Variants in DDX50 observed in about 807,000 individuals in gnomAD.
DDX50 encodes ATP-dependent RNA helicase DDX50.
A neutral mutation model predicts 94.8 loss-of-function variants in DDX50; 56 were observed. The ratio of observed to expected loss-of-function variants is 0.59; its 90% confidence interval spans 0.48 to 0.74. DDX50 has a LOEUF of 0.74. Among genes scored for constraint, DDX50 ranks in the 30% least tolerant of loss-of-function variants. The pLI is 0.00. For synonymous variants in DDX50, 264 were observed against 295.4 expected (o/e 0.89, Z 1.09); for missense variants, 713 against 881.2 (o/e 0.81, Z 2.42).
At chr10:68,936,445 C>T (rs1842409820) in intron 11 of DDX50, among the ~76,000 whole-genome samples, 1 of 128,670 alleles carries the variant, frequency 7.8e-6, no homozygotes, top group South Asian at 2.5e-4. Context: ...ATCGAGAGTG[C>T]ACCACTGCAT....
In DDX50 at chr10:68,934,142, T is replaced by C. The variant is rs2132054693; in HGVS notation, c.1240-57T>C. On this transcript the variant is annotated intron_variant, in intron 8 of 14. Transcript: ENST00000373585. This position sits in a 1 kb window ranked among gnomAD's most constrained non-coding sequence, Gnocchi z 4.0. ...AAGGAGCACAGACTAGATGTTGTTG[T>C]GCTATCAGTTGCAAGTATGAGCTGT... 1 of 1,524,684 alleles carries C rather than the reference T, an allele frequency of 6.6e-7. No individual in the cohort carries two copies. Among genetic ancestry groups the C allele is most frequent in the Non-Finnish European group, 8.9e-7 (1 of 1,125,606 alleles). 94.4% of individuals were successfully genotyped at this position (1,524,684 alleles called of 1,614,324 possible). A position where few individuals can be genotyped will look rare whatever the true frequency, so the allele number is the denominator to read the frequency against.
chr10:68,920,634 TG>T (rs1841915467), intron 8 of DDX50, among the ~76,000 whole-genome samples: 1 of 152,146 alleles, frequency 6.6e-6, no homozygotes, highest in African/African-American at 2.4e-5. Flanking sequence ...TAAATCCATG[TG>T]TTTTTTTCTT....
In DDX50 at chr10:68,906,944, A is replaced by G; in HGVS notation, c.321A>G (p.Lys107=). 6.2e-7 allele frequency: 1 copy of G among 1,600,656 alleles called. No homozygotes were observed. Residue 107 remains lysine, a synonymous_variant, in exon 2 of 15, where the codon AAA becomes AAG. Coordinates refer to ENST00000373585, the MANE Select transcript of DDX50 (RefSeq NM_024045.2). The part of the protein sequence containing the change: ...PNGDIDEYEK[K]SKRVSSLDTS... The stretch of plus-strand genomic sequence containing the variant: ...GAGATATAGATGAATATGAAAAAAA[A>G]TCAAAGCGAGTATCATCTTTAGATA...
At chr10:68,904,002 G>A (rs1245417620) in intron 1 of DDX50, among the ~76,000 whole-genome samples, 1 of 151,434 alleles carries the variant, frequency 6.6e-6, no homozygotes, top group East Asian at 1.9e-4. Context: ...AAATTAGCTG[G>A]GCGTGGTGGC....
chr10:68,943,085 T>A, intron 13 of DDX50, 128 bp from the exon 14 acceptor site: 1 of 769,484 alleles, frequency 1.3e-6, no homozygotes, highest in South Asian at 1.7e-5. Context: ...TATTGGATAC[T>A]GTGTTTAGTT....
At chr10:68,930,734 G>A (rs1490396946) in intron 8 of DDX50, among the ~76,000 whole-genome samples, 2 of 152,126 alleles carry the variant, frequency 1.3e-5, no homozygotes, top group Non-Finnish European at 2.9e-5. Context: ...GCTTATTGGA[G>A]CCTCAACTGC....
intron 14 of DDX50, among the ~76,000 whole-genome samples, chr10:68,945,146 T>G (rs757797191): frequency 1.3e-5 from 2 of 152,188 alleles, no homozygotes; most frequent in Non-Finnish European, 2.9e-5. Flanking sequence ...CTCTTTAAGA[T>G]GAGTTTTTAA....
intron 8 of DDX50, among the ~76,000 whole-genome samples, chr10:68,931,426 T>TATACACACACACACACAC (rs375773633): frequency 3.5e-5 from 3 of 84,842 alleles, no homozygotes; most frequent in Non-Finnish European, 6.8e-5. Context: ...TATATATATA[T>TATACACACACACACACAC]ACACAAACAC....
chr10:68,929,889 T>C (rs1440201550), intron 8 of DDX50, among the ~76,000 whole-genome samples: 1 of 151,710 alleles, frequency 6.6e-6, no homozygotes, highest in Non-Finnish European at 1.5e-5. Context: ...TGCAACACCA[T>C]ACCCGGCTAA....
chr10:68,944,481 A>G (rs917262855), intron 14 of DDX50, among the ~76,000 whole-genome samples: 5 of 152,192 alleles, frequency 3.3e-5, no homozygotes, highest in African/African-American at 1.2e-4. Flanking sequence ...AAAATTCAGA[A>G]TATGTTAAAG....
At position 68,934,133 on chromosome 10, in the gene DDX50, A is replaced by C. The variant is rs940849026; in HGVS notation, c.1240-66A>C. On this transcript the variant is annotated intron_variant, in intron 8 of 14. Transcript: ENST00000373585. The surrounding 1 kb of genome is among the most constrained non-coding windows in gnomAD (Gnocchi z 4.0). The stretch of plus-strand genomic sequence containing the variant: ...AACATGCAAAAGGAGCACAGACTAG[A>C]TGTTGTTGTGCTATCAGTTGCAAGT... The C allele has an allele frequency of 1.4e-6, 2 of 1,463,742 alleles. No homozygotes were observed. Among genetic ancestry groups the C allele is most frequent in the Non-Finnish European group, 1.9e-6 (2 of 1,076,024 alleles). 90.7% of individuals were successfully genotyped at this position (1,463,742 alleles called of 1,614,324 possible).
chr10:68,946,445 A>C lies in DDX50; in HGVS notation c.2029A>C (p.Arg677=). ...TGATGGAAACACATCTTCTAATTCCAGACAGAGGAGTGGCTGGTCAAGTGG... is the reference window on the plus strand; with the variant it reads ...TGATGGAAACACATCTTCTAATTCCCGACAGAGGAGTGGCTGGTCAAGTGG... ...YYDGNTSSNS[R]QRSGWSSGRS... is the part of the protein sequence containing the mutation. Residue 677 remains arginine (R), a synonymous_variant, in exon 15 of 15, where the codon AGA becomes CGA. Coordinates refer to ENST00000373585, the MANE Select transcript of DDX50 (RefSeq NM_024045.2). The C allele has an allele frequency of 6.2e-7, 1 of 1,614,272 alleles. No homozygotes were observed.
rs1400237468 is a variant in DDX50, at chr10:68,946,086, G to GTA, written c.1936-262_1936-261dup. On this transcript the variant is annotated intron_variant, in intron 14 of 14. Coordinates refer to ENST00000373585, the MANE Select transcript of DDX50 (RefSeq NM_024045.2). ...TTTATTTAGAATGTATATTTAGAAT[G>GTA]TATATTTATAGAATGTATTTAATTA... Among the ~76,000 whole-genome samples the GTA allele has an allele frequency of 3.9e-5, 6 of 151,962 alleles. No individual in the cohort carries two copies. The East Asian group carries it at 1.2e-3, about 29-fold the overall frequency.
intron 12 of DDX50, among the ~76,000 whole-genome samples, chr10:68,938,650 A>T (rs893648252): frequency 2.0e-5 from 3 of 152,216 alleles, no homozygotes; most frequent in Admixed American, 1.3e-4. Context: ...AGCACAAATG[A>T]ATGCTGCTGG....
intron 12 of DDX50, among the ~76,000 whole-genome samples, chr10:68,939,808 T>C (rs922384944): frequency 6.6e-6 from 1 of 152,174 alleles, no homozygotes; most frequent in Non-Finnish European, 1.5e-5. Flanking sequence ...TATTACTATA[T>C]GATATTCCAT....
intron 2 of DDX50, among the ~76,000 whole-genome samples, chr10:68,910,079 G>A (rs1841580389): frequency 6.6e-6 from 1 of 152,084 alleles, no homozygotes; most frequent in Non-Finnish European, 1.5e-5. Context: ...GGTCCTAGCT[G>A]CTTGGGAGGC....
intron 7 of DDX50, among the ~76,000 whole-genome samples, chr10:68,915,724 A>G (rs534978464): frequency 6.6e-6 from 1 of 152,136 alleles, no homozygotes; most frequent in Non-Finnish European, 1.5e-5. Context: ...CAAAAAAAAA[A>G]AAAAGAAAAA....
chr10:68,910,255 A>G, intron 2 of DDX50, 52 bp from the exon 3 acceptor site: 2 of 1,406,360 alleles, frequency 1.4e-6, no homozygotes, highest in Non-Finnish European at 2.0e-6. Context: ...AAAACAGTAA[A>G]TGAGGAAGAG....
At chr10:68,921,458 G>C (rs1375929855) in intron 8 of DDX50, among the ~76,000 whole-genome samples, 2 of 152,052 alleles carry the variant, frequency 1.3e-5, no homozygotes, top group Non-Finnish European at 2.9e-5. Flanking sequence ...CATTTAGCAT[G>C]TTCCTCTGTC....
Sources: allele counts gnomAD v4.1 joint callset (sites outside exome capture counted in the v4.1 genomes callset), GRCh38; gene constraint gnomAD v4.1.1; non-coding constraint Gnocchi (gnomAD v3.1); transcripts MANE v1.5; gene names NCBI Gene and HGNC (gene_info 2026-07-23, HGNC 2026-07-21).